The following VSTM4 variants were observed in gnomAD, a reference collection of about 807,000 sequenced individuals.
VSTM4 encodes V-set and transmembrane domain containing 4.
VSTM4 carries 20 observed loss-of-function variants against 36.4 expected under a neutral mutation model. That is an observed-to-expected ratio of 0.55 (90% confidence interval 0.39 to 0.80). VSTM4 has a LOEUF of 0.80. Ranked by LOEUF, VSTM4 falls within the 30% of genes least tolerant of loss-of-function variation. The pLI, the probability that VSTM4 is intolerant of heterozygous loss-of-function variation, is 0.00. For missense variants in VSTM4, 392 were observed against 404.5 expected (o/e 0.97, Z 0.26); for synonymous variants, 182 against 173.9 (o/e 1.05, Z -0.37).
intron 2 of VSTM4, chr10:49,102,427 C>A: frequency 1.0e-6 from 1 of 985,422 alleles, no homozygotes. Flanking sequence ...AGCCACCATG[C>A]CTGGCCAACT....
intron 7 of VSTM4, among the ~76,000 whole-genome samples, chr10:49,030,472 C>T (rs147742626): frequency 2.0e-5 from 3 of 152,280 alleles, no homozygotes; most frequent in African/African-American, 7.2e-5. Context: ...GCCAGATTCC[C>T]CCTCCACCCC....
At chr10:49,104,509 G>A (rs967355353) in intron 2 of VSTM4, among the ~76,000 whole-genome samples, 2 of 152,186 alleles carry the variant, frequency 1.3e-5, no homozygotes, top group Non-Finnish European at 2.9e-5. Context: ...CAGCCTGCCT[G>A]GTTTCAGGCC....
At chr10:49,109,354 G>T (rs1440548298) in intron 1 of VSTM4, among the ~76,000 whole-genome samples, 1 of 152,240 alleles carries the variant, frequency 6.6e-6, no homozygotes, top group African/African-American at 2.4e-5. Flanking sequence ...AGGCGGCCCT[G>T]CGGTGGGCTG....
chr10:49,095,486 C>G (rs970219134), intron 2 of VSTM4, among the ~76,000 whole-genome samples: 2 of 152,188 alleles, frequency 1.3e-5, no homozygotes, highest in Non-Finnish European at 2.9e-5. Flanking sequence ...CTTGTTGCTG[C>G]CCACCCCTGT....
chr10:49,087,993 T>C (rs1330477987), intron 2 of VSTM4, among the ~76,000 whole-genome samples: 1 of 147,474 alleles, frequency 6.8e-6, no homozygotes, highest in African/African-American at 2.5e-5. Context: ...TATATATGTG[T>C]ATATACACAT....
chr10:49,105,190 A>T (rs1292377870), intron 2 of VSTM4, among the ~76,000 whole-genome samples: 2 of 142,424 alleles, frequency 1.4e-5, no homozygotes, highest in African/African-American at 2.7e-5. Flanking sequence ...AGAGACAGAG[A>T]GAGAGAGGGA....
chr10:49,082,451 G>A (rs58154726), intron 3 of VSTM4, among the ~76,000 whole-genome samples: 41,591 of 151,978 alleles, frequency 0.27, 5,826 homozygotes, highest in Admixed American at 0.35. Context: ...ATCACCTGAG[G>A]TCGGGAGTTC....
intron 7 of VSTM4, among the ~76,000 whole-genome samples, chr10:49,039,022 C>T (rs1843476935): frequency 6.6e-6 from 1 of 152,122 alleles, no homozygotes; most frequent in Admixed American, 6.5e-5. Context: ...AGGGGGCATC[C>T]AGGACAGAGG....
intron 4 of VSTM4, among the ~76,000 whole-genome samples, chr10:49,071,032 C>CT (rs1258704182): frequency 1.3e-5 from 2 of 152,218 alleles, no homozygotes; most frequent in Non-Finnish European, 2.9e-5. Flanking sequence ...GCCACAGGCC[C>CT]TTAGCTTCAT....
intron 1 of VSTM4, among the ~76,000 whole-genome samples, chr10:49,112,356 G>A (rs1229081022): frequency 3.3e-5 from 5 of 152,356 alleles, no homozygotes; most frequent in Non-Finnish European, 2.9e-5. Flanking sequence ...GCAGAGAAAC[G>A]ATGAGACACA....
intron 5 of VSTM4, among the ~76,000 whole-genome samples, chr10:49,057,004 G>C (rs1383772920): frequency 6.6e-6 from 1 of 151,942 alleles, no homozygotes; most frequent in Non-Finnish European, 1.5e-5. Context: ...TCCGGCGAGA[G>C]GGGGGCAAGA....
At position 49,108,636 on chromosome 10, in the gene VSTM4, G is replaced by A. The variant is rs537065832; in HGVS notation, c.56-641C>T. 6.2e-3 allele frequency among the ~76,000 whole-genome samples: 947 copies of A among 152,334 alleles called. 5 individuals are homozygous for A. Among genetic ancestry groups the A allele is most frequent in the Non-Finnish European group, 0.011 (720 of 68,028 alleles). The stretch of plus-strand genomic sequence containing the variant: ...TGGTTTCCTATTTGTAGGATCCATC[G>A]TCTCAGAGTTGAAGAGCAAGAATAA... On this transcript the variant is annotated intron_variant, in intron 1 of 7. Transcript: ENST00000332853.
intron 1 of VSTM4, among the ~76,000 whole-genome samples, chr10:49,112,644 G>T (rs980302960): frequency 6.6e-6 from 1 of 152,186 alleles, no homozygotes; most frequent in East Asian, 1.9e-4. Flanking sequence ...GTGGGCCCAC[G>T]ACCTGCAGGC....
intron 2 of VSTM4, among the ~76,000 whole-genome samples, chr10:49,098,137 C>T (rs1451871565): frequency 6.6e-6 from 1 of 152,184 alleles, no homozygotes; most frequent in Non-Finnish European, 1.5e-5. Flanking sequence ...CTTATGCTCC[C>T]TCAATTCTCA....
chr10:49,070,209 C>T lies in VSTM4; in HGVS notation c.635-5473G>A, dbSNP rs915373810. Among the ~76,000 whole-genome samples, 6 of 57,748 alleles carry T rather than the reference C, an allele frequency of 1.0e-4. 1 individual carries two copies. The highest frequency in any genetic ancestry group is 5.8e-4 in the Admixed American group (3 of 5,162). The allele number at this position is 57,748 out of a possible 152,430, so 37.9% of individuals were successfully genotyped here. ...CGGAGCTTGCAGTGAGCCGAGATCC[C>T]GCCACTGCACTCCAGCCTGGGCGAC... On this transcript the variant is annotated intron_variant, in intron 4 of 7. Coordinates refer to ENST00000332853, the MANE Select transcript of VSTM4 (RefSeq NM_001031746.5).
chr10:49,017,340 G>A lies in VSTM4; in HGVS notation c.*2310C>T, dbSNP rs1008786280. The A allele has an allele frequency of 1.3e-5, 2 of 152,270 alleles. No homozygotes were observed. The highest frequency in any genetic ancestry group is 2.9e-5 in the Non-Finnish European group (2 of 68,074). The allele number at this position is 152,270 out of a possible 1,614,324, so 9.4% of individuals were successfully genotyped here. On this transcript the variant is annotated 3_prime_UTR_variant, in exon 8 of 8. Transcript: ENST00000332853. ...GTGGGACCAGCTCTGCCTGGATGCT[G>A]TCCATAGCTTCCAAGATTCCCCTGG...
intron 5 of VSTM4, among the ~76,000 whole-genome samples, chr10:49,051,073 G>T (rs576044449): frequency 6.6e-6 from 1 of 152,288 alleles, no homozygotes; most frequent in South Asian, 2.1e-4. Flanking sequence ...AAAGTCCACA[G>T]GTCACCTTAG....
chr10:49,039,326 C>A (rs1249476203), intron 7 of VSTM4, among the ~76,000 whole-genome samples: 3 of 152,040 alleles, frequency 2.0e-5, no homozygotes, highest in Non-Finnish European at 2.9e-5. Flanking sequence ...CAAGAGCCAG[C>A]CGCTACTCAC....
intron 7 of VSTM4, among the ~76,000 whole-genome samples, chr10:49,020,698 G>C (rs551768672): frequency 1.2e-3 from 122 of 102,244 alleles, no homozygotes; most frequent in African/African-American, 3.8e-3. Flanking sequence ...AGGAAGGAAA[G>C]AAGGAGGGAA....
Sources: allele counts gnomAD v4.1 joint callset (sites outside exome capture counted in the v4.1 genomes callset), GRCh38; gene constraint gnomAD v4.1.1; transcripts MANE v1.5; gene names NCBI Gene and HGNC (gene_info 2026-07-23, HGNC 2026-07-21).